TTC27: variants seen among roughly 807,000 people sequenced by gnomAD.
TTC27 encodes tetratricopeptide repeat protein 27.
TTC27 carries 79 observed loss-of-function variants against 115.9 expected under a neutral mutation model. The observed-to-expected ratio is 0.68, with a 90% CI of 0.57 to 0.82. The LOEUF is 0.82. Ranked by LOEUF, TTC27 falls within the 40% of genes least tolerant of loss-of-function variation. The pLI is 0.00. For missense variants in TTC27, 1,054 were observed against 993.1 expected, an observed-to-expected ratio of 1.06 and a Z score of -0.82; for synonymous variants, 401 against 356.0, an observed-to-expected ratio of 1.13 and a Z score of -1.42.
chr2:32,638,370 C>G (rs1572462932), intron 3 of TTC27, among the ~76,000 whole-genome samples: 1 of 151,970 alleles, frequency 6.6e-6, no homozygotes, highest in African/African-American at 2.4e-5. Flanking sequence ...CCTTCTTTCT[C>G]TTTTATTTAT....
chr2:32,651,592 G>A (rs1254348458), intron 5 of TTC27, among the ~76,000 whole-genome samples: 1 of 152,144 alleles, frequency 6.6e-6, no homozygotes, highest in African/African-American at 2.4e-5. Flanking sequence ...GTATCAGCCC[G>A]CCTTGGCCTC....
chr2:32,807,499 T>G (rs995383449), intron 16 of TTC27, among the ~76,000 whole-genome samples: 1 of 152,228 alleles, frequency 6.6e-6, no homozygotes, highest in Non-Finnish European at 1.5e-5. Flanking sequence ...AGAACTGTCA[T>G]ACCGGCACTT....
intron 4 of TTC27, among the ~76,000 whole-genome samples, chr2:32,641,268 T>G (rs760135972): frequency 1.3e-5 from 2 of 152,200 alleles, no homozygotes; most frequent in Non-Finnish European, 2.9e-5. Flanking sequence ...GGAGGTTTAG[T>G]GGAGGTTGTC....
In TTC27 at chr2:32,736,858, C is replaced by G. The variant is rs371545614; in HGVS notation, c.1452+42C>G. On this transcript the variant is annotated intron_variant, in intron 12 of 19. Coordinates refer to ENST00000317907, the MANE Select transcript of TTC27 (RefSeq NM_017735.5). ...TTTGATGTACTGGTGAGAGCCTTCC[C>G]TCTGGGAGCATCTTCTCACTTGTTT... The G allele has an allele frequency of 1.9e-6, 3 of 1,599,880 alleles. No individual in the cohort carries two copies. The Admixed American group carries it at 5.3e-5, about 28-fold the overall frequency.
At chr2:32,760,673 T>C (rs1375290740) in intron 13 of TTC27, among the ~76,000 whole-genome samples, 1 of 152,182 alleles carries the variant, frequency 6.6e-6, no homozygotes, top group Admixed American at 6.5e-5. Context: ...AAAAACTGTA[T>C]CATATCCTTG....
chr2:32,718,075 A>G (rs1007659393), intron 10 of TTC27, among the ~76,000 whole-genome samples: 2 of 152,208 alleles, frequency 1.3e-5, no homozygotes, highest in Non-Finnish European at 2.9e-5. Context: ...TGCCATAATT[A>G]TTATTTCTCT....
Position 32,708,304 on chromosome 2 carries a change from G to GTTTTTTTTTTTTTTTTTTTTTTTT in TTC27, c.1233+5406_1233+5407insTTTTTTTTTTTTTTTTTTTTTTTT, listed in dbSNP as rs1158508588. Among the ~76,000 whole-genome samples the GTTTTTTTTTTTTTTTTTTTTTTTT allele has an allele frequency of 4.6e-4, 28 of 61,352 alleles. 6 individuals are homozygous for GTTTTTTTTTTTTTTTTTTTTTTTT. Among genetic ancestry groups the GTTTTTTTTTTTTTTTTTTTTTTTT allele is most frequent in the Admixed American group, 9.6e-4 (5 of 5,228 alleles). 40.2% of individuals were successfully genotyped at this position (61,352 alleles called of 152,430 possible). A position where few individuals can be genotyped will look rare whatever the true frequency, so the allele number is the denominator to read the frequency against. ...AATAGCGTTTTCTTTTCTCTACCTT[G>GTTTTTTTTTTTTTTTTTTTTTTTT]TTTTTTTTTTTTTTTTTTTTTTAAT... On this transcript the variant is annotated intron_variant, in intron 10 of 19. Transcript: ENST00000317907.
intron 4 of TTC27, among the ~76,000 whole-genome samples, chr2:32,648,086 A>T (rs925833435): frequency 1.3e-5 from 2 of 152,034 alleles, no homozygotes; most frequent in Admixed American, 6.6e-5. Context: ...CTGGAGGAGG[A>T]TGATATTGGG....
chr2:32,799,073 C>T (rs1670829265), intron 16 of TTC27, among the ~76,000 whole-genome samples: 1 of 152,170 alleles, frequency 6.6e-6, no homozygotes, highest in Non-Finnish European at 1.5e-5. Flanking sequence ...GAAATTGTGA[C>T]ACATGCTACA....
intron 11 of TTC27, 50 bp downstream of exon 11, chr2:32,733,973 G>A (rs1490466288): frequency 5.0e-6 from 6 of 1,211,370 alleles, no homozygotes; most frequent in African/African-American, 1.5e-5. Flanking sequence ...GCATTAGAAA[G>A]GTAAATGCAT....
intron 13 of TTC27, chr2:32,766,527 C>T: frequency 2.3e-6 from 1 of 440,752 alleles, no homozygotes; most frequent in Non-Finnish European, 4.7e-6. Context: ...GTGGAGCAGT[C>T]AGAACATACA....
intron 3 of TTC27, among the ~76,000 whole-genome samples, chr2:32,634,797 C>T (rs1664350604): frequency 6.6e-6 from 1 of 151,936 alleles, no homozygotes; most frequent in Admixed American, 6.6e-5. Context: ...GCTGGGATTA[C>T]AGGCGTGTGC....
intron 9 of TTC27, among the ~76,000 whole-genome samples, chr2:32,692,843 G>A (rs2151895859): frequency 6.6e-6 from 1 of 152,164 alleles, no homozygotes; most frequent in Middle Eastern, 3.4e-3. Flanking sequence ...AGGCGTCGTG[G>A]TGAACGCCTG....
At chr2:32,756,599 A>G (rs544742126) in intron 12 of TTC27, among the ~76,000 whole-genome samples, 1 of 152,348 alleles carries the variant, frequency 6.6e-6, no homozygotes, top group Non-Finnish European at 1.5e-5. Flanking sequence ...CTTCTTTTAA[A>G]AGAGTTCACA....
At chr2:32,640,038 C>G (rs1664581569) in intron 3 of TTC27, among the ~76,000 whole-genome samples, 1 of 151,814 alleles carries the variant, frequency 6.6e-6, no homozygotes, top group East Asian at 1.9e-4. Flanking sequence ...ACCAAAAACC[C>G]AAAAAATCAA....
At position 32,628,360 on chromosome 2, in the gene TTC27, A is replaced by AG; in HGVS notation, c.70dup (p.Glu24GlyfsTer21). The AG allele has an allele frequency of 6.2e-7, 1 of 1,605,754 alleles. No homozygotes were observed. The highest frequency in any genetic ancestry group is 8.5e-7 in the Non-Finnish European group (1 of 1,177,244). On this transcript the variant is annotated frameshift_variant, in exon 1 of 20. Coordinates refer to ENST00000317907, the MANE Select transcript of TTC27 (RefSeq NM_017735.5). LOFTEE classifies it high-confidence loss of function. ...GAGGCTGAGCGGCAGCAATGGAAAC[A>AG]GGAGGGGGTCGTCGGTTCAGGTGAG...
chr2:32,674,905 G>A (rs1285538187), intron 8 of TTC27, among the ~76,000 whole-genome samples: 3 of 151,988 alleles, frequency 2.0e-5, no homozygotes, highest in South Asian at 2.1e-4. Flanking sequence ...CTCGTAATCC[G>A]CCCACCTCGG....
intron 1 of TTC27, among the ~76,000 whole-genome samples, chr2:32,628,625 A>G (rs1026452042): frequency 6.6e-6 from 1 of 152,180 alleles, no homozygotes; most frequent in Admixed American, 6.5e-5. Flanking sequence ...TAAGCCCTTA[A>G]CATGTACTCA....
At position 32,692,036 on chromosome 2, in the gene TTC27, G is replaced by GTTTTTTTTTTTTTTTTTTT. The variant is rs779547700; in HGVS notation, c.1120-10763_1120-10745dup. ...GGGATATTCTTTTTTAATTTTTTAG[G>GTTTTTTTTTTTTTTTTTTT]TTTTTTTTTTTTTTTTTTTTTTTTT... On this transcript the variant is annotated intron_variant, in intron 9 of 19. Coordinates refer to ENST00000317907, the MANE Select transcript of TTC27 (RefSeq NM_017735.5). 4.2e-3 allele frequency among the ~76,000 whole-genome samples: 259 copies of GTTTTTTTTTTTTTTTTTTT among 61,204 alleles called. 42 individuals carry two copies. Among genetic ancestry groups the GTTTTTTTTTTTTTTTTTTT allele is most frequent in the Non-Finnish European group, 5.8e-3 (200 of 34,580 alleles). 40.2% of individuals were successfully genotyped at this position (61,204 alleles called of 152,430 possible).
Sources: allele counts gnomAD v4.1 joint callset (sites outside exome capture counted in the v4.1 genomes callset), GRCh38; gene constraint gnomAD v4.1.1; transcripts MANE v1.5; gene names NCBI Gene and HGNC (gene_info 2026-07-23, HGNC 2026-07-21).